The following SLC25A13 variants were observed in gnomAD, a reference collection of about 807,000 sequenced individuals.
The protein encoded by SLC25A13 is solute carrier family 25 member 13, also known as electrogenic aspartate/glutamate antiporter SLC25A13, mitochondrial.
In SLC25A13, 70 loss-of-function variants were observed where a neutral mutation model predicts 85.5. The ratio of observed to expected loss-of-function variants is 0.82; its 90% confidence interval spans 0.68 to 1.00. The LOEUF is 1.00. Ranked by LOEUF, SLC25A13 falls within the 50% of genes least tolerant of loss-of-function variation. The pLI, the probability that SLC25A13 is intolerant of heterozygous loss-of-function variation, is 0.00. For synonymous variants in SLC25A13, 259 were observed against 288.7 expected (o/e 0.90, Z 1.04); for missense variants, 765 against 819.8 (o/e 0.93, Z 0.82).
In SLC25A13 at chr7:96,185,018, T is replaced by C. The variant is rs1794575260; in HGVS notation, c.934-7A>G. The C allele has an allele frequency of 3.1e-6, 5 of 1,610,942 alleles. No individual in the cohort carries two copies. The highest frequency in any genetic ancestry group is 2.7e-5 in the African/African-American group (2 of 74,800). On this transcript the variant is annotated splice_polypyrimidine_tract_variant and splice_region_variant and intron_variant, in intron 9 of 17. Coordinates refer to ENST00000265631, the MANE Select transcript of SLC25A13 (RefSeq NM_014251.3). ...CTGAATCACCTGAGGCCTTCTGCTTTGCATGCACAGGAATCAGAGAGCAGG... is the reference window on the plus strand; with the variant it reads ...CTGAATCACCTGAGGCCTTCTGCTTCGCATGCACAGGAATCAGAGAGCAGG...
At chr7:96,194,434 C>A (rs558599590) in intron 5 of SLC25A13, among the ~76,000 whole-genome samples, 4 of 30,208 alleles carry the variant, frequency 1.3e-4, no homozygotes, top group Non-Finnish European at 2.6e-4. Context: ...CAGAGTGAAA[C>A]CTTGTCTCAA....
At chr7:96,132,464 T>C (rs761458954) in intron 14 of SLC25A13, among the ~76,000 whole-genome samples, 6 of 152,232 alleles carry the variant, frequency 3.9e-5, no homozygotes, top group Non-Finnish European at 8.8e-5. Flanking sequence ...GAAACATTGA[T>C]AAATGCCTGC....
At position 96,121,065 on chromosome 7, in the gene SLC25A13, A is replaced by G; in HGVS notation, c.*126T>C. On this transcript the variant is annotated 3_prime_UTR_variant, in exon 18 of 18. Coordinates refer to ENST00000265631, the MANE Select transcript of SLC25A13 (RefSeq NM_014251.3). The stretch of plus-strand genomic sequence containing the variant: ...AAAATGAATGATTTCACATGATAAA[A>G]AAGCCTGGACTTGAATTTAAACAAG... 9.7e-7 allele frequency: 1 copy of G among 1,032,736 alleles called. No individual in the cohort carries two copies. The highest frequency in any genetic ancestry group is 1.5e-6 in the Non-Finnish European group (1 of 669,522). The allele number at this position is 1,032,736 out of a possible 1,614,324, so 64.0% of individuals were successfully genotyped here. A position where few individuals can be genotyped will look rare whatever the true frequency, so the allele number is the denominator to read the frequency against.
intron 1 of SLC25A13, among the ~76,000 whole-genome samples, chr7:96,321,268 T>C (rs1800327056): frequency 6.6e-6 from 1 of 152,174 alleles, no homozygotes; most frequent in South Asian, 2.1e-4. Context: ...CAGGACAATC[T>C]GTTTCATCGT....
At chr7:96,247,897 G>A (rs1395233976) in intron 3 of SLC25A13, among the ~76,000 whole-genome samples, 1 of 151,514 alleles carries the variant, frequency 6.6e-6, no homozygotes, top group East Asian at 1.9e-4. Flanking sequence ...GTTTAGATGT[G>A]GCAATATATA....
In SLC25A13 at chr7:96,131,774, T is replaced by C. The variant is rs1792040995; in HGVS notation, c.1560A>G (p.Pro520=). 3.1e-6 allele frequency: 5 copies of C among 1,614,014 alleles called. No homozygotes were observed. The change falls in exon 15 of 18, where the codon CCA becomes CCG. Residue 520 remains proline (P), a synonymous_variant. Coordinates refer to ENST00000265631, the MANE Select transcript of SLC25A13 (RefSeq NM_014251.3). ...TGGCACCAGCTAAGAGCAGGCTTCCTGGGCTAACCTGCCCATCTTCATTTG... is the reference window on the plus strand; with the variant it reads ...TGGCACCAGCTAAGAGCAGGCTTCCCGGGCTAACCTGCCCATCTTCATTTG... ...SFANEDGQVS[P]GSLLLAGAIA... is the part of the protein sequence containing the mutation.
chr7:96,123,146 T>C (rs1198079080), intron 15 of SLC25A13, among the ~76,000 whole-genome samples: 1 of 152,198 alleles, frequency 6.6e-6, no homozygotes, highest in Non-Finnish European at 1.5e-5. Context: ...AGAGGTTTTA[T>C]AAAATACATC....
intron 13 of SLC25A13, among the ~76,000 whole-genome samples, chr7:96,164,539 A>T (rs887227722): frequency 6.6e-6 from 1 of 152,232 alleles, no homozygotes. Context: ...AGAAAGCTGC[A>T]ACTCAGAGAA....
At chr7:96,223,673 G>A (rs560262449) in intron 4 of SLC25A13, among the ~76,000 whole-genome samples, 5 of 151,912 alleles carry the variant, frequency 3.3e-5, no homozygotes, top group South Asian at 2.1e-4. Flanking sequence ...CTGTAGTCCC[G>A]GCTACCCGGG....
intron 6 of SLC25A13, 25 bp downstream of exon 6, chr7:96,193,012 T>C: frequency 6.2e-7 from 1 of 1,613,378 alleles, no homozygotes; most frequent in African/African-American, 1.3e-5. Flanking sequence ...GTTAAACCAC[T>C]TCATTAGGGC....
intron 1 of SLC25A13, chr7:96,306,888 C>T (rs1004795413): frequency 1.2e-5 from 13 of 1,127,182 alleles, no homozygotes; most frequent in Middle Eastern, 2.0e-4. Context: ...TGTGGCTTCA[C>T]TCCAATCTCT....
At chr7:96,321,383 G>T (rs1379714904) in intron 1 of SLC25A13, among the ~76,000 whole-genome samples, 1 of 152,198 alleles carries the variant, frequency 6.6e-6, no homozygotes, top group African/African-American at 2.4e-5. Flanking sequence ...GGGAGGGGGA[G>T]AGTCCCTGGA....
intron 4 of SLC25A13, among the ~76,000 whole-genome samples, chr7:96,226,226 G>A (rs1406361548): frequency 6.6e-6 from 1 of 152,022 alleles, no homozygotes; most frequent in Non-Finnish European, 1.5e-5. Flanking sequence ...TTGATTCTAT[G>A]AATCTGCCTA....
At chr7:96,246,014 T>C (rs557471946) in intron 3 of SLC25A13, among the ~76,000 whole-genome samples, 58 of 152,342 alleles carry the variant, frequency 3.8e-4, no homozygotes, top group African/African-American at 1.4e-3. Flanking sequence ...AGCAGGCATA[T>C]GAATTTGTCA....
intron 2 of SLC25A13, among the ~76,000 whole-genome samples, chr7:96,295,668 A>G (rs1799315967): frequency 1.3e-5 from 2 of 152,144 alleles, no homozygotes; most frequent in Non-Finnish European, 2.9e-5. Context: ...TGATGTCTCA[A>G]TTAGTTTTAA....
intron 13 of SLC25A13, among the ~76,000 whole-genome samples, chr7:96,152,392 T>C (rs1436920972): frequency 6.6e-6 from 1 of 152,040 alleles, no homozygotes; most frequent in African/African-American, 2.4e-5. Flanking sequence ...CACAATTAGG[T>C]TGTTAGCCGA....
chr7:96,256,740 C>G (rs1474147193), intron 3 of SLC25A13, among the ~76,000 whole-genome samples: 7 of 152,170 alleles, frequency 4.6e-5, no homozygotes, highest in African/African-American at 1.7e-4. Flanking sequence ...CTATAGAACT[C>G]TCCACCCCAA....
intron 14 of SLC25A13, among the ~76,000 whole-genome samples, chr7:96,140,786 C>T (rs1404119880): frequency 6.7e-6 from 1 of 149,012 alleles, no homozygotes; most frequent in Non-Finnish European, 1.5e-5. Context: ...GCTATCCTAA[C>T]AGGTATGAAG....
Position 96,196,034 on chromosome 7 carries a change from C to A in SLC25A13, c.469-2851G>T, listed in dbSNP as rs11982955. The stretch of plus-strand genomic sequence containing the variant: ...TTTATACATGCAGCTCAGCAGAATG[C>A]TTTAGATGTATAGTAGGTGCTCAAT... On this transcript the variant is annotated intron_variant, in intron 5 of 17. Transcript: ENST00000265631. Among the ~76,000 whole-genome samples, 980 of 152,296 alleles carry A rather than the reference C, an allele frequency of 6.4e-3. 10 individuals are homozygous for A. Among genetic ancestry groups the A allele is most frequent in the African/African-American group, 0.022 (921 of 41,550 alleles).
Sources: allele counts gnomAD v4.1 joint callset (sites outside exome capture counted in the v4.1 genomes callset), GRCh38; gene constraint gnomAD v4.1.1; transcripts MANE v1.5; gene names NCBI Gene and HGNC (gene_info 2026-07-23, HGNC 2026-07-21).